Variants in SHISA9 observed in about 807,000 individuals in gnomAD.
The protein encoded by SHISA9 is protein shisa-9.
Under a neutral mutation model 38.0 loss-of-function variants are expected in SHISA9, and 13 were observed. That is an observed-to-expected ratio of 0.34 (90% CI 0.22 to 0.54). The LOEUF (loss-of-function observed/expected upper bound fraction) is 0.54, where lower values mean the gene tolerates loss of function less well. SHISA9 is among the 20% of genes least tolerant of loss of function. SHISA9 has a pLI of 0.91. For synonymous variants in SHISA9, 275 were observed against 242.0 expected, an observed-to-expected ratio of 1.14 and a Z score of -1.27; for missense variants, 538 against 575.8, an observed-to-expected ratio of 0.93 and a Z score of 0.67.
At chr16:12,991,668 A>G (rs986405273) in intron 2 of SHISA9, among the ~76,000 whole-genome samples, 3 of 152,208 alleles carry the variant, frequency 2.0e-5, no homozygotes, top group African/African-American at 7.2e-5. Context: ...GTGGGTTGGA[A>G]GAGAGGAAGA....
the SHISA9 span, among the ~76,000 whole-genome samples, chr16:13,497,361 C>G: frequency 2.0e-5 from 3 of 151,824 alleles, no homozygotes; most frequent in African/African-American, 7.3e-5. Context: ...TAAAAGCAAC[C>G]CAGGTATCCA....
intron 2 of SHISA9, among the ~76,000 whole-genome samples, chr16:12,935,412 C>G (rs911168112): frequency 6.6e-6 from 1 of 152,158 alleles, no homozygotes; most frequent in Non-Finnish European, 1.5e-5. Context: ...TGGCTTAGCT[C>G]CTGTGGTGCT....
chr16:13,014,196 T>G (rs898149690), intron 2 of SHISA9, among the ~76,000 whole-genome samples: 2 of 152,050 alleles, frequency 1.3e-5, no homozygotes, highest in Non-Finnish European at 2.9e-5. Context: ...CCCAAGACAA[T>G]ACAGTTGGTG....
chr16:13,429,046 C>G, the SHISA9 span, among the ~76,000 whole-genome samples: 1 of 152,196 alleles, frequency 6.6e-6, no homozygotes, highest in East Asian at 1.9e-4. Context: ...GGATTACAGG[C>G]GTGAGCCACC....
the SHISA9 span, among the ~76,000 whole-genome samples, chr16:13,559,208 C>T: frequency 1.3e-5 from 2 of 152,102 alleles, no homozygotes; most frequent in African/African-American, 4.8e-5. Flanking sequence ...ATTATTTGCA[C>T]ACAGAGATGT....
the SHISA9 span, among the ~76,000 whole-genome samples, chr16:13,488,981 G>C: frequency 6.6e-6 from 1 of 152,160 alleles, no homozygotes; most frequent in Non-Finnish European, 1.5e-5. Context: ...CACCACGTGA[G>C]CCAGGATGGT....
At chr16:13,396,505 C>T in the SHISA9 span, among the ~76,000 whole-genome samples, 1 of 152,120 alleles carries the variant, frequency 6.6e-6, no homozygotes, top group Non-Finnish European at 1.5e-5. Flanking sequence ...ACTCCCCGAC[C>T]CTCAACCAGA....
chr16:12,929,996 A>G (rs2071443016), intron 2 of SHISA9, among the ~76,000 whole-genome samples: 1 of 152,104 alleles, frequency 6.6e-6, no homozygotes, highest in Admixed American at 6.5e-5. Context: ...CAGCCCATGT[A>G]AAGATCTCAC....
chr16:13,296,936 G>C, the SHISA9 span, among the ~76,000 whole-genome samples: 1 of 135,702 alleles, frequency 7.4e-6, no homozygotes. Context: ...ATGCTTTCTC[G>C]TTGTAAAAAT....
At chr16:13,289,443 G>C in the SHISA9 span, among the ~76,000 whole-genome samples, 5 of 152,134 alleles carry the variant, frequency 3.3e-5, no homozygotes, top group East Asian at 9.7e-4. Context: ...CAGGGTTCTA[G>C]AAAGAAGTAA....
chr16:13,398,692 A>C, the SHISA9 span, among the ~76,000 whole-genome samples: 1 of 151,838 alleles, frequency 6.6e-6, no homozygotes, highest in Non-Finnish European at 1.5e-5. Context: ...TTGTATTTTT[A>C]GTAGAGACAG....
At chr16:13,274,137 G>A in the SHISA9 span, among the ~76,000 whole-genome samples, 5 of 152,098 alleles carry the variant, frequency 3.3e-5, no homozygotes, top group African/African-American at 9.7e-5. Flanking sequence ...TTGAAGGCTC[G>A]TAAGATGAAA....
chr16:13,322,089 T>C, the SHISA9 span, among the ~76,000 whole-genome samples: 1 of 152,242 alleles, frequency 6.6e-6, no homozygotes, highest in Non-Finnish European at 1.5e-5. Flanking sequence ...TATTCTCTTC[T>C]TTAATTCTCA....
chr16:13,283,905 C>A, the SHISA9 span, among the ~76,000 whole-genome samples: 5 of 152,054 alleles, frequency 3.3e-5, no homozygotes, highest in Admixed American at 1.3e-4. Context: ...TCAACCCTAA[C>A]TTTTGTTGTC....
intron 2 of SHISA9, among the ~76,000 whole-genome samples, chr16:13,011,045 T>C (rs1004940469): frequency 6.6e-6 from 1 of 152,194 alleles, no homozygotes; most frequent in Non-Finnish European, 1.5e-5. Context: ...CTTCCACAAA[T>C]ATTTTTATTG....
chr16:13,258,589 G>A, the SHISA9 span, among the ~76,000 whole-genome samples: 1 of 152,146 alleles, frequency 6.6e-6, no homozygotes, highest in African/African-American at 2.4e-5. Context: ...AGTCATACCC[G>A]AAACTGGGAA....
chr16:13,383,458 G>A, the SHISA9 span, among the ~76,000 whole-genome samples: 1 of 152,178 alleles, frequency 6.6e-6, no homozygotes, highest in Non-Finnish European at 1.5e-5. Flanking sequence ...GAGAGAGAAA[G>A]GTAGAGACAG....
At chr16:13,509,003 G>A in the SHISA9 span, among the ~76,000 whole-genome samples, 30 of 152,272 alleles carry the variant, frequency 2.0e-4, no homozygotes, top group African/African-American at 6.5e-4. Flanking sequence ...AAACCTGTGA[G>A]GAAAAGGGAT....
chr16:13,478,469 C>T, the SHISA9 span, among the ~76,000 whole-genome samples: 1 of 152,156 alleles, frequency 6.6e-6, no homozygotes. Flanking sequence ...GTCTGGACTC[C>T]TCTGGGCCAG....
Sources: gnomAD v4.1 joint callset for allele counts (sites outside exome capture counted in the v4.1 genomes callset) on GRCh38, gnomAD v4.1.1 for gene constraint, MANE v1.5 for transcripts, NCBI Gene and HGNC (gene_info 2026-07-23, HGNC 2026-07-21) for gene names.